Variants in PCDH15 observed in about 807,000 individuals in gnomAD.
PCDH15 encodes the protein protocadherin-15.
A neutral mutation model predicts 178.5 loss-of-function variants in PCDH15; 129 were observed. The observed-to-expected ratio is 0.72, with a 90% CI of 0.63 to 0.84. PCDH15 has a LOEUF of 0.84. PCDH15 is among the 40% of genes least tolerant of loss of function. The pLI is 0.00. For missense variants in PCDH15, 2,230 were observed against 2,099.9 expected (o/e 1.06, Z -1.21); for synonymous variants, 800 against 732.0 (o/e 1.09, Z -1.50).
intron 25 of PCDH15, among the ~76,000 whole-genome samples, chr10:53,929,291 C>T (rs1365195085): frequency 6.6e-6 from 1 of 151,898 alleles, no homozygotes; most frequent in East Asian, 1.9e-4. Flanking sequence ...GCTATGAGTC[C>T]ACTGGAATAC....
intron 1 of PCDH15, among the ~76,000 whole-genome samples, chr10:55,226,811 T>A (rs532230310): frequency 6.6e-6 from 1 of 152,044 alleles, no homozygotes; most frequent in South Asian, 2.1e-4. Flanking sequence ...TTCAGACAAT[T>A]CAGTTGGGGA....
At chr10:53,952,106 G>A (rs1445901816) in intron 23 of PCDH15, among the ~76,000 whole-genome samples, 2 of 152,178 alleles carry the variant, frequency 1.3e-5, no homozygotes, top group East Asian at 3.9e-4. Context: ...GGAGCTCCTA[G>A]GTCTGGGATC....
In PCDH15 at chr10:54,010,516, A is replaced by G. The variant is rs575928217; in HGVS notation, c.2751+9676T>C. 3.3e-5 allele frequency among the ~76,000 whole-genome samples: 5 copies of G among 152,300 alleles called. No individual in the cohort carries two copies. In the South Asian group the frequency reaches 1.0e-3, roughly 32 times the overall value. ...GCCCAGCACAGCACGGCAGCATTACAGAAAAGCAGCTAGACTGCTTTCTAT... is the reference window on the plus strand; with the variant it reads ...GCCCAGCACAGCACGGCAGCATTACGGAAAAGCAGCTAGACTGCTTTCTAT... On this transcript the variant is annotated intron_variant, in intron 20 of 37. Coordinates refer to ENST00000644397, the MANE Select transcript of PCDH15 (RefSeq NM_001384140.1).
Position 54,966,934 on chromosome 10 carries a change from T to C in PCDH15, c.-79-69434A>G, listed in dbSNP as rs185536527. On this transcript the variant is annotated intron_variant, in intron 2 of 5. Transcript: ENST00000458638. ...CAGTAAGTAGTTGTGTATCTAAAAA[T>C]ATCTAAACATAGAAAAGGTCCAGTA... 3.0e-3 allele frequency among the ~76,000 whole-genome samples: 456 copies of C among 152,166 alleles called. 3 individuals are homozygous for C. The highest frequency in any genetic ancestry group is 0.011 in the African/African-American group (445 of 41,540).
intron 2 of PCDH15, among the ~76,000 whole-genome samples, chr10:54,633,404 G>T (rs2093756269): frequency 1.3e-5 from 2 of 152,032 alleles, no homozygotes; most frequent in Admixed American, 1.3e-4. Context: ...AAGGAGATTT[G>T]CATGAACCTG....
At chr10:54,826,464 A>G (rs748771147) in intron 3 of PCDH15, among the ~76,000 whole-genome samples, 1 of 152,008 alleles carries the variant, frequency 6.6e-6, no homozygotes, top group Non-Finnish European at 1.5e-5. Context: ...AGCACACCCA[A>G]CAGAAATAAT....
chr10:55,582,366 C>G (rs954343866), intron 2 of PCDH15, among the ~76,000 whole-genome samples: 1 of 152,042 alleles, frequency 6.6e-6, no homozygotes, highest in Non-Finnish European at 1.5e-5. Flanking sequence ...CCTTCCCCAA[C>G]AGAAACTGCT....
intron 2 of PCDH15, among the ~76,000 whole-genome samples, chr10:55,349,331 T>A (rs116997793): frequency 6.6e-6 from 1 of 152,242 alleles, no homozygotes; most frequent in Non-Finnish European, 1.5e-5. Context: ...AGCTAAACAA[T>A]CATGAACAGG....
intron 8 of PCDH15, among the ~76,000 whole-genome samples, chr10:54,291,279 G>T (rs1487487631): frequency 1.3e-5 from 2 of 152,058 alleles, no homozygotes; most frequent in Admixed American, 6.5e-5. Flanking sequence ...ACCAGTGAGA[G>T]AAAAGACACA....
chr10:55,326,453 C>A (rs1844034104), intron 2 of PCDH15, among the ~76,000 whole-genome samples: 1 of 151,930 alleles, frequency 6.6e-6, no homozygotes, highest in Non-Finnish European at 1.5e-5. Flanking sequence ...GAGCTGGAGG[C>A]CATTATCCTA....
chr10:54,683,857 A>C (rs1490325293), intron 1 of PCDH15, among the ~76,000 whole-genome samples: 1 of 152,106 alleles, frequency 6.6e-6, no homozygotes, highest in Admixed American at 6.5e-5. Flanking sequence ...TGAACTTTTC[A>C]AACCCTCAGT....
intron 1 of PCDH15, among the ~76,000 whole-genome samples, chr10:54,683,360 G>A (rs774903761): frequency 2.0e-5 from 3 of 151,740 alleles, no homozygotes; most frequent in East Asian, 1.9e-4. Context: ...CCTGCTCCCC[G>A]CCCCTGGTAA....
intron 8 of PCDH15, among the ~76,000 whole-genome samples, chr10:54,316,529 TACACACACACACACAC>T (rs35604056): frequency 3.3e-4 from 43 of 132,296 alleles, no homozygotes; most frequent in East Asian, 1.7e-3. Context: ...AATATGTGTA[TACACACACACACACAC>T]ACACACACAC....
chr10:55,358,227 G>T (rs1375710370), intron 2 of PCDH15, among the ~76,000 whole-genome samples: 1 of 152,094 alleles, frequency 6.6e-6, no homozygotes. Flanking sequence ...GTGAAATTTA[G>T]AGGAAACATT....
At chr10:53,927,778 C>T (rs976317320) in intron 25 of PCDH15, among the ~76,000 whole-genome samples, 2 of 152,084 alleles carry the variant, frequency 1.3e-5, no homozygotes, top group African/African-American at 4.8e-5. Flanking sequence ...TCTCTGCTAT[C>T]ATCCACACAG....
At chr10:55,577,687 A>G (rs1254689921) in intron 2 of PCDH15, among the ~76,000 whole-genome samples, 1 of 152,190 alleles carries the variant, frequency 6.6e-6, no homozygotes, top group Non-Finnish European at 1.5e-5. Context: ...GTCAGTTAAC[A>G]CTGGTTTCAA....
At chr10:54,084,110 G>C (rs570018399) in intron 16 of PCDH15, among the ~76,000 whole-genome samples, 3 of 150,302 alleles carry the variant, frequency 2.0e-5, no homozygotes, top group African/African-American at 7.3e-5. Context: ...TTTTGAGACA[G>C]AGTCTCTCTC....
chr10:54,131,433 T>C (rs2042427157), intron 15 of PCDH15, among the ~76,000 whole-genome samples: 1 of 152,170 alleles, frequency 6.6e-6, no homozygotes, highest in Non-Finnish European at 1.5e-5. Flanking sequence ...ATGAACTATC[T>C]TAATATTTGA....
At chr10:53,839,234 G>T (rs2077498160) in intron 29 of PCDH15, among the ~76,000 whole-genome samples, 1 of 147,076 alleles carries the variant, frequency 6.8e-6, no homozygotes, top group South Asian at 2.2e-4. Context: ...GAATTGATGA[G>T]TAACATGTTA....
Sources: gnomAD v4.1 joint callset for allele counts (sites outside exome capture counted in the v4.1 genomes callset) on GRCh38, gnomAD v4.1.1 for gene constraint, MANE v1.5 for transcripts, NCBI Gene and HGNC (gene_info 2026-07-23, HGNC 2026-07-21) for gene names.